TSC22D1: variants seen among roughly 807,000 people sequenced by gnomAD.
TSC22D1 encodes the protein TSC22 domain family protein 1.
TSC22D1 carries 9 observed loss-of-function variants against 74.2 expected under a neutral mutation model. The observed-to-expected ratio is 0.12, with a 90% confidence interval of 0.07 to 0.21. TSC22D1 has a LOEUF of 0.21. Among genes scored for constraint, TSC22D1 ranks in the 10% least tolerant of loss-of-function variants. The pLI is 1.00. For missense variants in TSC22D1, 1,427 were observed against 1,304.7 expected, an observed-to-expected ratio of 1.09 and a Z score of -1.44; for synonymous variants, 586 against 492.5, an observed-to-expected ratio of 1.19 and a Z score of -2.51.
chr13:44,555,414 G>A (rs1882571020), intron 1 of TSC22D1, among the ~76,000 whole-genome samples: 1 of 152,040 alleles, frequency 6.6e-6, no homozygotes, highest in Admixed American at 6.6e-5. Flanking sequence ...TTTGAGACCA[G>A]ACTGGCCAAC....
chr13:44,456,171 C>A (rs779158390), intron 1 of TSC22D1, among the ~76,000 whole-genome samples: 4 of 152,300 alleles, frequency 2.6e-5, no homozygotes, highest in Middle Eastern at 3.4e-3. Flanking sequence ...AAAGGTAGTG[C>A]AGACCCAAAA....
At chr13:44,533,303 G>A (rs1459053734) in intron 1 of TSC22D1, among the ~76,000 whole-genome samples, 2 of 149,760 alleles carry the variant, frequency 1.3e-5, no homozygotes, top group African/African-American at 4.9e-5. Context: ...TCTACTAGAA[G>A]TACAAAAAAT....
chr13:44,498,883 T>C (rs1879096804), intron 1 of TSC22D1, among the ~76,000 whole-genome samples: 1 of 152,158 alleles, frequency 6.6e-6, no homozygotes, highest in Non-Finnish European at 1.5e-5. Flanking sequence ...GATTAACACA[T>C]TTGATACACG....
At chr13:44,497,784 G>A (rs1254831964) in intron 1 of TSC22D1, among the ~76,000 whole-genome samples, 2 of 152,076 alleles carry the variant, frequency 1.3e-5, no homozygotes, top group African/African-American at 4.8e-5. Flanking sequence ...CAGTTTCATA[G>A]ATTGTCTAGT....
In TSC22D1 at chr13:44,575,485, G is replaced by C. The variant is rs775405224; in HGVS notation, c.590C>G (p.Pro197Arg). The C allele has an allele frequency of 1.9e-6, 3 of 1,614,050 alleles. No homozygotes were observed. The East Asian group carries it at 6.7e-5, about 36-fold the overall frequency. The change falls in exon 1 of 3, where the codon CCT (proline) becomes CGT (arginine). Residue 197 changes from proline to arginine, a missense_variant. Physicochemically the swap from Pro to Arg is moderately radical, Grantham distance 103. This residue lies in a region of TSC22D1 where 1,343 missense variants were observed against 1,191.5 expected (regional missense o/e 1.13). Transcript: ENST00000458659. ...GAVSPNQPHLPQPHLPHLPQQ... is the reference protein window; with the variant it reads ...GAVSPNQPHLRQPHLPHLPQQ... Reference sequence around the variant, plus strand: ...TGGAAGGTGAGGCAAATGAGGCTGAGGAAGGTGGGGCTGGTTGGGAGAGAC... The same window carrying C: ...TGGAAGGTGAGGCAAATGAGGCTGACGAAGGTGGGGCTGGTTGGGAGAGAC...
intron 1 of TSC22D1, among the ~76,000 whole-genome samples, chr13:44,557,970 G>A (rs539229370): frequency 3.6e-4 from 55 of 152,080 alleles, no homozygotes; most frequent in Non-Finnish European, 7.5e-4. Context: ...AACCACTGGG[G>A]TAGAAACTAT....
chr13:44,487,012 TA>T (rs539942405), intron 1 of TSC22D1, among the ~76,000 whole-genome samples: 33 of 148,686 alleles, frequency 2.2e-4, no homozygotes, highest in Middle Eastern at 3.4e-3. Flanking sequence ...TTAGGAAATG[TA>T]AAAAAAAAAT....
At chr13:44,505,457 G>A (rs1879404575) in intron 1 of TSC22D1, among the ~76,000 whole-genome samples, 2 of 152,148 alleles carry the variant, frequency 1.3e-5, no homozygotes, top group Non-Finnish European at 2.9e-5. Context: ...GGGAGGTTGA[G>A]GTGGGAGGAT....
chr13:44,486,089 A>T (rs1878416775), intron 1 of TSC22D1, among the ~76,000 whole-genome samples: 1 of 152,104 alleles, frequency 6.6e-6, no homozygotes, highest in South Asian at 2.1e-4. Flanking sequence ...TAAGGCAAGA[A>T]TGGAGGGCAA....
At chr13:44,450,853 G>T (rs952817965) in intron 1 of TSC22D1, among the ~76,000 whole-genome samples, 1 of 152,190 alleles carries the variant, frequency 6.6e-6, no homozygotes, top group Non-Finnish European at 1.5e-5. Flanking sequence ...GAGTGGATGA[G>T]ATTACCTCAG....
chr13:44,511,027 T>C (rs1228745960), intron 1 of TSC22D1, among the ~76,000 whole-genome samples: 1 of 152,234 alleles, frequency 6.6e-6, no homozygotes, highest in Non-Finnish European at 1.5e-5. Flanking sequence ...GGTTTACACC[T>C]GCAATCCCAG....
intron 1 of TSC22D1, among the ~76,000 whole-genome samples, chr13:44,491,436 C>G (rs1878713716): frequency 6.6e-6 from 1 of 151,588 alleles, no homozygotes; most frequent in South Asian, 2.1e-4. Context: ...CACCTGTAGT[C>G]CCAGCTACTC....
In TSC22D1 at chr13:44,517,855, A is replaced by ATTTTTT. The variant is rs1262351609; in HGVS notation, c.2912+55307_2912+55308insAAAAAA. Among the ~76,000 whole-genome samples the ATTTTTT allele has an allele frequency of 9.8e-3, 230 of 23,524 alleles. 4 individuals carry two copies. The highest frequency in any genetic ancestry group is 0.02 in the Non-Finnish European group (183 of 8,980). 15.4% of individuals were successfully genotyped at this position (23,524 alleles called of 152,430 possible). ...TATATATATATATATATATATATAT[A>ATTTTTT]TATTTTTTTTTTTTTTTTTTTTTTA... On this transcript the variant is annotated intron_variant, in intron 1 of 2. Coordinates refer to ENST00000458659, the MANE Select transcript of TSC22D1 (RefSeq NM_183422.4).
At position 44,575,142 on chromosome 13, in the gene TSC22D1, A is replaced by G; in HGVS notation, c.933T>C (p.Ser311=). Residue 311 remains serine (S), a synonymous_variant, in exon 1 of 3, where the codon AGT becomes AGC. Coordinates refer to ENST00000458659, the MANE Select transcript of TSC22D1 (RefSeq NM_183422.4). ...GIGINSVTGT[S]TVNNVNITAV... ...CAGTAATGTTAACATTATTTACTGTACTAGTGCCAGTAACAGAATTTATAC... is the reference window on the plus strand; with the variant it reads ...CAGTAATGTTAACATTATTTACTGTGCTAGTGCCAGTAACAGAATTTATAC... 1.2e-6 allele frequency: 2 copies of G among 1,614,172 alleles called. No individual in the cohort carries two copies. The highest frequency in any genetic ancestry group is 2.7e-5 in the African/African-American group (2 of 75,064).
At chr13:44,475,362 T>C (rs17065859) in intron 1 of TSC22D1, among the ~76,000 whole-genome samples, 1 of 151,526 alleles carries the variant, frequency 6.6e-6, no homozygotes, top group Non-Finnish European at 1.5e-5. Flanking sequence ...GGGAAATGTA[T>C]AGTCTTGAAC....
At chr13:44,453,720 T>C (rs184891089) in intron 1 of TSC22D1, among the ~76,000 whole-genome samples, 27 of 152,322 alleles carry the variant, frequency 1.8e-4, no homozygotes, top group Admixed American at 1.7e-3. Flanking sequence ...AGTAAAAAAC[T>C]GACACCTGTC....
At chr13:44,457,312 T>C (rs1876715410) in intron 1 of TSC22D1, among the ~76,000 whole-genome samples, 1 of 152,208 alleles carries the variant, frequency 6.6e-6, no homozygotes, top group Non-Finnish European at 1.5e-5. Flanking sequence ...AACTTTTCTA[T>C]ATAAAAACAC....
At position 44,446,790 on chromosome 13, in the gene TSC22D1, G is replaced by GGAGGAGGAA. The variant is rs1875689956; in HGVS notation, c.2913-10696_2913-10695insTTCCTCCTC. 2.0e-4 allele frequency among the ~76,000 whole-genome samples: 13 copies of GGAGGAGGAA among 64,426 alleles called. No individual in the cohort carries two copies. In the South Asian group the frequency reaches 4.3e-3, roughly 21 times the overall value. 42.3% of individuals were successfully genotyped at this position (64,426 alleles called of 152,430 possible). On this transcript the variant is annotated intron_variant, in intron 1 of 2. Transcript: ENST00000458659. ...AAGAGGAAGAAGAGGAAGAAGAGGAGGAGGAGGAGGAAAAGGAGGAGGAAG... is the reference window on the plus strand; with the variant it reads ...AAGAGGAAGAAGAGGAAGAAGAGGAGGAGGAGGAAGAGGAGGAGGAAAAGGAGGAGGAAG...
chr13:44,441,772 A>T (rs1440867769), intron 1 of TSC22D1, among the ~76,000 whole-genome samples: 1 of 152,174 alleles, frequency 6.6e-6, no homozygotes, highest in Non-Finnish European at 1.5e-5. Context: ...TAAAAAATTT[A>T]AATAAAATAA....
Sources: gnomAD v4.1 joint callset for allele counts (sites outside exome capture counted in the v4.1 genomes callset) on GRCh38, gnomAD v4.1.1 for gene constraint, gnomAD v4.1.1 regional missense constraint, MANE v1.5 for transcripts, NCBI Gene and HGNC (gene_info 2026-07-23, HGNC 2026-07-21) for gene names.